The following XKR9 variants were observed in gnomAD, a reference collection of about 807,000 sequenced individuals.
The protein encoded by XKR9 is XK related 9.
Under a neutral mutation model 32.0 loss-of-function variants are expected in XKR9, and 32 were observed. That is an observed-to-expected ratio of 1.00 (90% CI 0.76 to 1.34). The LOEUF (loss-of-function observed/expected upper bound fraction) is 1.34. Among genes scored for constraint, XKR9 ranks in the 40% most tolerant of loss-of-function variants. XKR9 has a pLI of 0.00. For synonymous variants in XKR9, 168 were observed against 143.4 expected (o/e 1.17, Z -1.22); for missense variants, 546 against 429.7 (o/e 1.27, Z -2.39).
chr8:70,773,147 C>G (rs1312954294), intron 2 of XKR9, among the ~76,000 whole-genome samples: 2 of 152,154 alleles, frequency 1.3e-5, no homozygotes, highest in Non-Finnish European at 2.9e-5. Context: ...CCAGTGCATT[C>G]TTTCAGTGGT....
At chr8:70,934,514 G>A in the XKR9 span, among the ~76,000 whole-genome samples, 10 of 151,906 alleles carry the variant, frequency 6.6e-5, no homozygotes, top group African/African-American at 2.4e-4. Context: ...AAGGCTTATT[G>A]CAACTATTTT....
chr8:71,024,575 C>G, the XKR9 span, among the ~76,000 whole-genome samples: 1 of 152,190 alleles, frequency 6.6e-6, no homozygotes, highest in Non-Finnish European at 1.5e-5. Flanking sequence ...AATGCACTTC[C>G]TCTCTGAAGC....
the XKR9 span, among the ~76,000 whole-genome samples, chr8:71,010,446 C>G: frequency 6.6e-6 from 1 of 152,226 alleles, no homozygotes. Context: ...GCCTGTGGAT[C>G]AGCTTCTCTA....
At chr8:70,681,398 T>G in intron 3 of XKR9, 68 bp downstream of exon 3, 7 of 1,522,912 alleles carry the variant, frequency 4.6e-6, no homozygotes, top group Non-Finnish European at 6.2e-6. Flanking sequence ...ATTTTGTATC[T>G]TATCTGGGTA....
chr8:70,991,848 G>A, the XKR9 span, among the ~76,000 whole-genome samples: 4 of 152,164 alleles, frequency 2.6e-5, no homozygotes, highest in African/African-American at 7.2e-5. Flanking sequence ...GTCATGATTG[G>A]TAGAACAATC....
chr8:71,009,499 G>C, the XKR9 span, among the ~76,000 whole-genome samples: 1 of 152,206 alleles, frequency 6.6e-6, no homozygotes, highest in African/African-American at 2.4e-5. Flanking sequence ...CTGAATGGTT[G>C]TAAGCTCCAT....
chr8:70,732,371 A>G (rs1806699659), intron 4 of XKR9, among the ~76,000 whole-genome samples: 1 of 152,216 alleles, frequency 6.6e-6, no homozygotes, highest in South Asian at 2.1e-4. Context: ...TCCGTATTAC[A>G]ATTAAATCCA....
At chr8:70,952,100 T>C in the XKR9 span, among the ~76,000 whole-genome samples, 2 of 123,978 alleles carry the variant, frequency 1.6e-5, no homozygotes, top group Non-Finnish European at 3.9e-5. Context: ...TTTTTCATTA[T>C]AAAATGAAAA....
chr8:70,713,022 A>T (rs1805971158), intron 4 of XKR9, among the ~76,000 whole-genome samples: 1 of 152,204 alleles, frequency 6.6e-6, no homozygotes, highest in Non-Finnish European at 1.5e-5. Flanking sequence ...CAAAGTATAA[A>T]ACAAGTATCC....
chr8:70,733,956 G>T lies in XKR9; in HGVS notation c.654G>T (p.Leu218=). The T allele has an allele frequency of 6.2e-7, 1 of 1,612,726 alleles. No homozygotes were observed. Among genetic ancestry groups the T allele is most frequent in the South Asian group, 1.1e-5 (1 of 90,506 alleles). ...TGTTTACATTATTATCGTGGATGCT[G>T]AGTGTTGTACTTCTACTATTCTTAA... is the stretch of plus-strand genomic sequence containing the variant. ...YKLFTLLSWM[L]SVVLLLFLNV... Residue 218 remains leucine (L), a synonymous_variant, in exon 5 of 5, where the codon CTG becomes CTT. Transcript: ENST00000408926.
the XKR9 span, among the ~76,000 whole-genome samples, chr8:70,897,508 A>C: frequency 1.3e-5 from 2 of 152,200 alleles, no homozygotes; most frequent in African/African-American, 4.8e-5. Flanking sequence ...AACAGGGTAC[A>C]AGGGTTCCTT....
chr8:70,827,879 G>A, the XKR9 span, among the ~76,000 whole-genome samples: 9 of 152,040 alleles, frequency 5.9e-5, no homozygotes, highest in Non-Finnish European at 1.2e-4. Context: ...GAATTTAAAT[G>A]GAACTTTCCA....
the XKR9 span, among the ~76,000 whole-genome samples, chr8:70,822,826 CT>C: frequency 1.1e-4 from 17 of 152,026 alleles, no homozygotes; most frequent in Admixed American, 1.1e-3. Context: ...TCCTAAAAAA[CT>C]CTAAGAAAAT....
the XKR9 span, among the ~76,000 whole-genome samples, chr8:70,875,486 G>T: frequency 2.0e-4 from 30 of 152,188 alleles, no homozygotes; most frequent in African/African-American, 6.8e-4. Context: ...AGAGAATTAT[G>T]AAGCTGTGTG....
the XKR9 span, among the ~76,000 whole-genome samples, chr8:70,951,867 T>TGGGG: frequency 7.2e-6 from 1 of 138,942 alleles, no homozygotes. Context: ...ATAGCATCAT[T>TGGGG]GGGGGGGGGG....
At chr8:70,945,318 T>G in the XKR9 span, among the ~76,000 whole-genome samples, 3 of 152,302 alleles carry the variant, frequency 2.0e-5, no homozygotes, top group African/African-American at 7.2e-5. Flanking sequence ...TGCCTAAGCT[T>G]GAAAACAGAT....
chr8:70,943,674 A>T, the XKR9 span, among the ~76,000 whole-genome samples: 11 of 152,126 alleles, frequency 7.2e-5, no homozygotes, highest in African/African-American at 2.4e-4. Flanking sequence ...TCTTGAGGAA[A>T]GAAATTCTAA....
chr8:70,903,806 C>T, the XKR9 span, among the ~76,000 whole-genome samples: 16 of 151,966 alleles, frequency 1.1e-4, no homozygotes, highest in Non-Finnish European at 1.8e-4. Flanking sequence ...ACACACTGCT[C>T]TAAATATGTC....
At chr8:70,907,881 A>G in the XKR9 span, among the ~76,000 whole-genome samples, 1 of 152,372 alleles carries the variant, frequency 6.6e-6, no homozygotes, top group East Asian at 1.9e-4. Flanking sequence ...AATGCTCAAA[A>G]TAGAAAGTTA....
Sources: gnomAD v4.1 joint callset for allele counts (sites outside exome capture counted in the v4.1 genomes callset) on GRCh38, gnomAD v4.1.1 for gene constraint, MANE v1.5 for transcripts, NCBI Gene and HGNC (gene_info 2026-07-23, HGNC 2026-07-21) for gene names.